The following RBPJ variants were observed in gnomAD, a reference collection of about 807,000 sequenced individuals.
RBPJ encodes the protein recombining binding protein suppressor of hairless.
RBPJ carries 9 observed loss-of-function variants against 67.8 expected under a neutral mutation model. The ratio of observed to expected loss-of-function variants is 0.13; its 90% CI spans 0.08 to 0.23. The LOEUF (loss-of-function observed/expected upper bound fraction) is 0.23, where lower values mean the gene tolerates loss of function less well. Among genes scored for constraint, RBPJ ranks in the 10% least tolerant of loss-of-function variants. The pLI, the probability that RBPJ is intolerant of heterozygous loss-of-function variation, is 1.00. For missense variants in RBPJ, 305 were observed against 595.6 expected, an observed-to-expected ratio of 0.51 and a Z score of 5.08; for synonymous variants, 198 against 203.3, an observed-to-expected ratio of 0.97 and a Z score of 0.22.
intron 1 of RBPJ, among the ~76,000 whole-genome samples, chr4:26,283,933 C>T (rs1433486260): frequency 1.3e-5 from 2 of 152,146 alleles, no homozygotes; most frequent in African/African-American, 2.4e-5. Context: ...CATGAGCCAC[C>T]ACGCCTGGCC....
intron 1 of RBPJ, among the ~76,000 whole-genome samples, chr4:26,268,694 C>CT (rs1047069002): frequency 2.7e-5 from 4 of 150,930 alleles, no homozygotes; most frequent in Non-Finnish European, 5.9e-5. Flanking sequence ...AACTTGGAAA[C>CT]TAAAAAATAG....
At chr4:26,335,085 G>C (rs1481613844) in intron 1 of RBPJ, among the ~76,000 whole-genome samples, 2 of 152,102 alleles carry the variant, frequency 1.3e-5, no homozygotes, top group African/African-American at 4.8e-5. Flanking sequence ...CTTGATATCT[G>C]TTATAGTGCT....
At chr4:26,356,282 A>T (rs982569845) in intron 1 of RBPJ, among the ~76,000 whole-genome samples, 1 of 152,230 alleles carries the variant, frequency 6.6e-6, no homozygotes, top group Non-Finnish European at 1.5e-5. Context: ...CTGCCAAGAC[A>T]GGCTGCACAT....
chr4:26,168,835 T>G (rs1716428953), intron 1 of RBPJ, among the ~76,000 whole-genome samples: 1 of 152,128 alleles, frequency 6.6e-6, no homozygotes, highest in Non-Finnish European at 1.5e-5. Flanking sequence ...CTTCCATCGC[T>G]GATACCCTTT....
At chr4:26,355,485 CAA>C (rs33950714) in intron 1 of RBPJ, among the ~76,000 whole-genome samples, 68,689 of 131,488 alleles carry the variant, frequency 0.52, 17,661 homozygotes, top group Admixed American at 0.63. Context: ...TCATCTCTAC[CAA>C]AAAAAAAAAA....
At chr4:26,377,683 A>G (rs1241010972) in intron 1 of RBPJ, among the ~76,000 whole-genome samples, 1 of 152,198 alleles carries the variant, frequency 6.6e-6, no homozygotes, top group Non-Finnish European at 1.5e-5. Flanking sequence ...ATTTTCTAAA[A>G]TGGTTTCCCT....
the RBPJ span, among the ~76,000 whole-genome samples, chr4:26,117,689 A>G: frequency 2.0e-5 from 3 of 152,248 alleles, no homozygotes; most frequent in South Asian, 6.2e-4. Context: ...CAAATGAATT[A>G]ACTTCCTTGT....
At chr4:26,113,422 G>C in the RBPJ span, 1 of 545,066 alleles carries the variant, frequency 1.8e-6, no homozygotes, top group Admixed American at 2.1e-5. Flanking sequence ...GTACTGAATG[G>C]GGAAAAGCCT....
At chr4:26,382,598 A>G (rs904543671) in intron 1 of RBPJ, among the ~76,000 whole-genome samples, 4 of 152,184 alleles carry the variant, frequency 2.6e-5, no homozygotes, top group African/African-American at 7.2e-5. Context: ...GCTGGAGTGC[A>G]GTGGCTCAGT....
intron 1 of RBPJ, among the ~76,000 whole-genome samples, chr4:26,306,354 A>G (rs1722238333): frequency 6.6e-6 from 1 of 151,814 alleles, no homozygotes; most frequent in South Asian, 2.1e-4. Flanking sequence ...TAGTTTGTCG[A>G]GCGTTTGCCA....
intron 1 of RBPJ, among the ~76,000 whole-genome samples, chr4:26,197,679 G>T (rs1164468698): frequency 2.0e-5 from 3 of 152,116 alleles, no homozygotes; most frequent in African/African-American, 7.2e-5. Context: ...CGCAGAAATT[G>T]CAGCCAGCTT....
the RBPJ span, among the ~76,000 whole-genome samples, chr4:26,123,713 C>T: frequency 0.48 from 73,291 of 151,876 alleles, 18,917 homozygotes; most frequent in African/African-American, 0.63. Flanking sequence ...TTATTTCTTT[C>T]TTTAAACTGT....
At chr4:26,333,155 C>G (rs1724433257) in intron 1 of RBPJ, among the ~76,000 whole-genome samples, 1 of 152,128 alleles carries the variant, frequency 6.6e-6, no homozygotes, top group South Asian at 2.1e-4. Flanking sequence ...ATATGGAGAG[C>G]TGACTGCCGG....
At chr4:26,312,429 C>A (rs1343385934) in intron 1 of RBPJ, among the ~76,000 whole-genome samples, 4 of 152,238 alleles carry the variant, frequency 2.6e-5, no homozygotes, top group African/African-American at 9.6e-5. Context: ...CCATGCCCGG[C>A]CACCAGGGCC....
At chr4:26,355,303 T>C (rs1727256973) in intron 1 of RBPJ, among the ~76,000 whole-genome samples, 1 of 152,152 alleles carries the variant, frequency 6.6e-6, no homozygotes, top group African/African-American at 2.4e-5. Context: ...ATCCCATCTG[T>C]GAACTTGTCA....
intron 1 of RBPJ, among the ~76,000 whole-genome samples, chr4:26,187,144 C>T (rs1717295647): frequency 1.3e-5 from 2 of 152,114 alleles, no homozygotes; most frequent in Non-Finnish European, 1.5e-5. Context: ...ATTGCTTGAG[C>T]CCGGGAAGTG....
chr4:26,315,175 T>A (rs567246618), upstream of RBPJ, among the ~76,000 whole-genome samples: 226 of 95,682 alleles, frequency 2.4e-3, 5 homozygotes, highest in African/African-American at 8.6e-3. Flanking sequence ...AAAATATATA[T>A]ATATATATAT....
the RBPJ span, among the ~76,000 whole-genome samples, chr4:26,123,455 A>G: frequency 1.3e-5 from 2 of 152,338 alleles, no homozygotes; most frequent in Non-Finnish European, 2.9e-5. Context: ...TCTATACTAT[A>G]TGCTGTAGAC....
chr4:26,352,738 C>A (rs780430169), intron 1 of RBPJ, among the ~76,000 whole-genome samples: 1 of 152,200 alleles, frequency 6.6e-6, no homozygotes, highest in African/African-American at 2.4e-5. Context: ...CAAAATCAAA[C>A]AAAATCTATC....
Sources: allele counts gnomAD v4.1 joint callset (sites outside exome capture counted in the v4.1 genomes callset), GRCh38; gene constraint gnomAD v4.1.1; transcripts MANE v1.5; gene names NCBI Gene and HGNC (gene_info 2026-07-23, HGNC 2026-07-21).